Variants in FADS1 observed in about 807,000 individuals in gnomAD.
The protein encoded by FADS1 is acyl-CoA (8-3)-desaturase.
In FADS1, 17 loss-of-function variants were observed where a neutral mutation model predicts 61.6. The ratio of observed to expected loss-of-function variants is 0.28; its 90% CI spans 0.19 to 0.41. The LOEUF (loss-of-function observed/expected upper bound fraction) is 0.41, where lower values mean the gene tolerates loss of function less well. Ranked by LOEUF, FADS1 falls within the 10% of genes least tolerant of loss-of-function variation. The pLI, the probability that FADS1 is intolerant of heterozygous loss-of-function variation, is 1.00. For synonymous variants in FADS1, 238 were observed against 258.7 expected, an observed-to-expected ratio of 0.92 and a Z score of 0.77; for missense variants, 387 against 650.9, an observed-to-expected ratio of 0.59 and a Z score of 4.41.
rs1309877514 is a variant in FADS1, at chr11:61,816,848, G to A, written c.82C>T (p.Arg28Cys). The A allele has an allele frequency of 4.0e-6, 6 of 1,486,510 alleles. 1 individual carries two copies. The South Asian group carries it at 7.7e-5, about 19-fold the overall frequency. The allele number at this position is 1,486,510 out of a possible 1,614,324, so 92.1% of individuals were successfully genotyped here. A position where few individuals can be genotyped will look rare whatever the true frequency, so the allele number is the denominator to read the frequency against. The stretch of plus-strand genomic sequence containing the variant: ...GGGCTCCAGGAGTGGATTTGCTGGC[G>A]CGCGCCCAGAGCCAGCCGCCTGCGC... The part of the protein sequence containing the change: ...PARRRLALGA[R>C]QQIHSWSPRT... Residue 28 changes from arginine (R) to cysteine (C), a missense_variant, in exon 1 of 12, where the codon CGC becomes TGC. Arg to Cys is a radical substitution (Grantham distance 180). Coordinates refer to ENST00000350997, the MANE Select transcript of FADS1 (RefSeq NM_013402.7). This position sits in a 1 kb window ranked among gnomAD's most constrained non-coding sequence, Gnocchi z 7.0.
In FADS1 at chr11:61,816,431, G is replaced by A. The variant is rs769707282; in HGVS notation, c.375+124C>T. 4 of 1,598,884 alleles carry A rather than the reference G, an allele frequency of 2.5e-6. No homozygotes were observed. Among genetic ancestry groups the A allele is most frequent in the Non-Finnish European group, 3.4e-6 (4 of 1,179,806 alleles). Reference sequence around the variant, plus strand: ...CACCCAATCACCGGGCAACAGGTATGATCAGGCGCCTCCGGGCTTTCCTCC... The same window carrying A: ...CACCCAATCACCGGGCAACAGGTATAATCAGGCGCCTCCGGGCTTTCCTCC... On this transcript the variant is annotated intron_variant, in intron 1 of 11. Coordinates refer to ENST00000350997, the MANE Select transcript of FADS1 (RefSeq NM_013402.7). This position sits in a 1 kb window ranked among gnomAD's most constrained non-coding sequence, Gnocchi z 7.0.
In FADS1 at chr11:61,803,647, T is replaced by C. The variant is rs777201742; in HGVS notation, c.1151+23A>G. On this transcript the variant is annotated intron_variant, in intron 8 of 11. Transcript: ENST00000350997. The surrounding 1 kb of genome is among the most constrained non-coding windows in gnomAD (Gnocchi z 4.3). The stretch of plus-strand genomic sequence containing the variant: ...CCCCAACATTTCCTTCACCAGTCCC[T>C]ATCCGCCCCCACCGAATACTACCTG... 20 of 1,582,486 alleles carry C rather than the reference T, an allele frequency of 1.3e-5. No individual in the cohort carries two copies. Among genetic ancestry groups the C allele is most frequent in the Non-Finnish European group, 1.7e-5 (19 of 1,151,198 alleles).
At position 61,810,815 on chromosome 11, in the gene FADS1, C is replaced by A; in HGVS notation, c.851G>T (p.Arg284Leu). 9.3e-6 allele frequency: 15 copies of A among 1,614,164 alleles called. No homozygotes were observed. Among genetic ancestry groups the A allele is most frequent in the Non-Finnish European group, 1.3e-5 (15 of 1,180,032 alleles). ...ATGCATGTTGATGTCTGGGTCTTTG[C>A]GGAAGCAGTTGGGCTTGGCATGGTG... ...FQHHAKPNCF[R>L]KDPDINMHPF... Residue 284 changes from arginine to leucine, a missense_variant, in exon 5 of 12, where the codon CGC (arginine) becomes CTC (leucine). This residue lies in a region of FADS1 where 257 missense variants were observed against 533.3 expected (regional missense o/e 0.48). Coordinates refer to ENST00000350997, the MANE Select transcript of FADS1 (RefSeq NM_013402.7).
intron 6 of FADS1, chr11:61,806,050 A>T: frequency 6.5e-6 from 1 of 153,084 alleles, no homozygotes; most frequent in East Asian, 1.9e-4. Context: ...GTTTAAGATA[A>T]GGTTGAGGGG....
chr11:61,812,584 G>A lies in FADS1; in HGVS notation c.571C>T (p.Leu191=), dbSNP rs2066939283. The change falls in exon 3 of 12, where the codon CTG becomes TTG. Residue 191 remains leucine (L), a synonymous_variant. Transcript: ENST00000350997. The part of the protein sequence containing the change: ...LMKANHVFFL[L]YLLHILLLDG... ...AGCAGCAAGATGTGCAGCAGGTACA[G>A]CAGGAAGAAGACATGGTTGGCCTTC... is the stretch of plus-strand genomic sequence containing the variant. 1 of 1,614,164 alleles carries A rather than the reference G, an allele frequency of 6.2e-7. No individual in the cohort carries two copies.
Position 61,804,744 on chromosome 11 carries a change from G to A in FADS1, c.994C>T (p.Leu332=). 1 of 1,614,062 alleles carries A rather than the reference G, an allele frequency of 6.2e-7. No homozygotes were observed. Among genetic ancestry groups the A allele is most frequent in the Non-Finnish European group, 8.5e-7 (1 of 1,179,998 alleles). The change falls in exon 7 of 12, where the codon CTG becomes TTG. Residue 332 remains leucine (L), a synonymous_variant. Transcript: ENST00000350997. ...YFFLIGPPAL[L]PLYFQWYIFY... ...ATATACCACTGGAAGTAGAGAGGCA[G>A]CAAGGCTGGGGGCCCAACTGGGGAG...
At chr11:61,812,764 G>C in intron 2 of FADS1, 96 bp from the exon 3 acceptor site, 1 of 1,098,762 alleles carries the variant, frequency 9.1e-7, no homozygotes, top group Non-Finnish European at 1.3e-6. Context: ...TCCCACTGAG[G>C]TAGCTGTGGG....
rs375723539 is a variant in FADS1 at position 61,812,493 on chromosome 11, G to C, written c.662C>G (p.Ala221Gly). The change falls in exon 3 of 12, where the codon GCG becomes GGG. Residue 221 changes from alanine to glycine, a missense_variant. Around this residue, in one of 2 missense-constraint regions of FADS1, gnomAD observed 257 missense variants for 533.3 expected, o/e 0.48. Transcript: ENST00000350997. ...GTSFLPFLLC[A>G]VLLSAVQAQA... ...CACCTGAACTGCACTGAGCAGCACC[G>C]CACAGAGGAGGAAGGGCAAAAAGGA... 1.9e-6 allele frequency: 3 copies of C among 1,613,970 alleles called. No homozygotes were observed. Among genetic ancestry groups the C allele is most frequent in the Non-Finnish European group, 2.5e-6 (3 of 1,179,994 alleles).
At chr11:61,804,792 A>G (rs769194100) in intron 6 of FADS1, 31 bp from the exon 7 acceptor site, 3 of 1,594,218 alleles carry the variant, frequency 1.9e-6, no homozygotes, top group East Asian at 4.5e-5. Context: ...AAGAGGAGGC[A>G]TGAGCACAGG....
At chr11:61,804,209 G>T (rs2066878147) in intron 7 of FADS1, 1 of 220,706 alleles carries the variant, frequency 4.5e-6, no homozygotes, top group Admixed American at 5.2e-5. Context: ...TCTGCTCAGA[G>T]TTCATCCCCC....
Position 61,816,330 on chromosome 11 carries a change from G to T in FADS1, c.375+225C>A, listed in dbSNP as rs759379049. 5 of 1,598,398 alleles carry T rather than the reference G, an allele frequency of 3.1e-6. No individual in the cohort carries two copies. Among genetic ancestry groups the T allele is most frequent in the South Asian group, 1.1e-5 (1 of 91,082 alleles). The stretch of plus-strand genomic sequence containing the variant: ...GACCCTTTGTTTGTGTGTGCGTGTT[G>T]TTGGCCTCCATCCCCACTCCCCAGA... On this transcript the variant is annotated intron_variant, in intron 1 of 11. Coordinates refer to ENST00000350997, the MANE Select transcript of FADS1 (RefSeq NM_013402.7). This position sits in a 1 kb window ranked among gnomAD's most constrained non-coding sequence, Gnocchi z 7.0.
chr11:61,814,441 G>GA (rs2066957049), intron 1 of FADS1: 2 of 152,394 alleles, frequency 1.3e-5, no homozygotes, highest in African/African-American at 2.4e-5. Flanking sequence ...AGAAACAGGA[G>GA]AGATGGGTGG....
At chr11:61,813,906 C>G (rs566733283) in intron 1 of FADS1, among the ~76,000 whole-genome samples, 11 of 149,418 alleles carry the variant, frequency 7.4e-5, no homozygotes, top group Non-Finnish European at 1.5e-4. Flanking sequence ...AGGGCGGAGC[C>G]TGCAGTGAGC....
intron 5 of FADS1, among the ~76,000 whole-genome samples, chr11:61,807,564 C>T (rs2066902274): frequency 6.6e-6 from 1 of 152,214 alleles, no homozygotes; most frequent in Non-Finnish European, 1.5e-5. Flanking sequence ...ACACCAAGAA[C>T]AATTTGGCAA....
At chr11:61,804,404 T>C (rs978232986) in intron 7 of FADS1, 2 of 412,260 alleles carry the variant, frequency 4.9e-6, no homozygotes, top group African/African-American at 4.1e-5. Flanking sequence ...GTATTGTCTC[T>C]CATTCATCTT....
At position 61,800,671 on chromosome 11, in the gene FADS1, G is replaced by A. The variant is rs2066850635; in HGVS notation, c.*1740C>T. 6.6e-6 allele frequency: 1 copy of A among 152,446 alleles called. No individual in the cohort carries two copies. Among genetic ancestry groups the A allele is most frequent in the Admixed American group, 6.5e-5 (1 of 15,274 alleles). The allele number at this position is 152,446 out of a possible 1,614,324, so 9.4% of individuals were successfully genotyped here. On this transcript the variant is annotated 3_prime_UTR_variant, in exon 12 of 12. Transcript: ENST00000350997. Reference sequence around the variant, plus strand: ...CATCCCCTCCCAAAACTAAGTGGAGGCTCTGTCTTTTCCTCCTAGTTTGAG... The same window carrying A: ...CATCCCCTCCCAAAACTAAGTGGAGACTCTGTCTTTTCCTCCTAGTTTGAG...
chr11:61,812,466 C>G lies in FADS1; in HGVS notation c.684+5G>C. 6.2e-7 allele frequency: 1 copy of G among 1,613,642 alleles called. No individual in the cohort carries two copies. Among genetic ancestry groups the G allele is most frequent in the Non-Finnish European group, 8.5e-7 (1 of 1,179,886 alleles). On this transcript the variant is annotated splice_donor_5th_base_variant and intron_variant, in intron 3 of 11. Coordinates refer to ENST00000350997, the MANE Select transcript of FADS1 (RefSeq NM_013402.7). ...CTGTGCACTTGACAAGCCAAAGGCT[C>G]TCACCTGAACTGCACTGAGCAGCAC... is the stretch of plus-strand genomic sequence containing the variant.
chr11:61,810,213 A>G (rs2066921470), intron 5 of FADS1, among the ~76,000 whole-genome samples: 1 of 152,192 alleles, frequency 6.6e-6, no homozygotes. Flanking sequence ...TCTCAAACCC[A>G]ACGCTGACCA....
chr11:61,814,064 G>A (rs1766309452), intron 1 of FADS1: 1 of 151,586 alleles, frequency 6.6e-6, no homozygotes, highest in African/African-American at 2.4e-5. Context: ...TGGAAGCTTT[G>A]TTCTTTGCTC....
Sources: gnomAD v4.1 joint callset for allele counts (sites outside exome capture counted in the v4.1 genomes callset) on GRCh38, gnomAD v4.1.1 for gene constraint, gnomAD v4.1.1 regional missense constraint, Gnocchi (gnomAD v3.1) non-coding constraint, MANE v1.5 for transcripts, NCBI Gene and HGNC (gene_info 2026-07-23, HGNC 2026-07-21) for gene names.